The following C1orf105 variants were observed in gnomAD, a reference collection of about 807,000 sequenced individuals.
C1orf105 encodes chromosome 1 open reading frame 105, also known as uncharacterized protein C1orf105.
Under a neutral mutation model 20.8 loss-of-function variants are expected in C1orf105, and 17 were observed. That is an observed-to-expected ratio of 0.82 (90% CI 0.56 to 1.23). The LOEUF (loss-of-function observed/expected upper bound fraction) is 1.23, where lower values mean the gene tolerates loss of function less well. Among genes scored for constraint, C1orf105 ranks in the 50% most tolerant of loss-of-function variants. The pLI, the probability that C1orf105 is intolerant of heterozygous loss-of-function variation, is 0.00. For synonymous variants in C1orf105, 72 were observed against 72.1 expected (o/e 1.00, Z 0.01); for missense variants, 219 against 213.5 (o/e 1.03, Z -0.16).
chr1:172,444,605 AG>A (rs1647763065), intron 1 of C1orf105, among the ~76,000 whole-genome samples: 2 of 152,266 alleles, frequency 1.3e-5, no homozygotes, highest in African/African-American at 4.8e-5. Context: ...ATTTGTCCAA[AG>A]ACAGGCACCT....
chr1:172,448,363 T>C, intron 2 of C1orf105, 78 bp from the exon 3 acceptor site: 2 of 954,808 alleles, frequency 2.1e-6, no homozygotes, highest in South Asian at 2.9e-5. Context: ...TCCCTTGTAT[T>C]CTCTCAGAAA....
chr1:172,431,887 A>T (rs2071885464), intron 1 of C1orf105, among the ~76,000 whole-genome samples: 1 of 152,208 alleles, frequency 6.6e-6, no homozygotes. Context: ...CTCCTGCCCC[A>T]AACACTGTGC....
intron 1 of C1orf105, chr1:172,441,384 CACACACACTT>C (rs906665973): frequency 5.6e-5 from 9 of 159,974 alleles, no homozygotes; most frequent in African/African-American, 1.8e-4. Context: ...CACACACACA[CACACACACTT>C]ACTTCACTCT....
At chr1:172,431,088 T>C (rs531316934) in intron 1 of C1orf105, 11 of 660,034 alleles carry the variant, frequency 1.7e-5, no homozygotes, top group African/African-American at 1.4e-4. Context: ...AGTATCAAAA[T>C]TAAGCCAATT....
At chr1:172,423,900 G>C (rs2071655779) in intron 1 of C1orf105, among the ~76,000 whole-genome samples, 1 of 152,040 alleles carries the variant, frequency 6.6e-6, no homozygotes, top group Non-Finnish European at 1.5e-5. Context: ...CTTGAAGCCA[G>C]GCTGTTTGAA....
intron 3 of C1orf105, among the ~76,000 whole-genome samples, chr1:172,449,957 G>A (rs1286650415): frequency 6.6e-6 from 1 of 152,234 alleles, no homozygotes; most frequent in Admixed American, 6.5e-5. Context: ...GGCAACCTGG[G>A]CACTAGGACA....
chr1:172,437,728 T>TAAA (rs1553259020), intron 1 of C1orf105, among the ~76,000 whole-genome samples: 2 of 144,036 alleles, frequency 1.4e-5, no homozygotes, highest in East Asian at 4.1e-4. Flanking sequence ...GAACTTAAAG[T>TAAA]ATAATAATAA....
rs111547499 is a variant in C1orf105, at chr1:172,446,470, T to C, written c.107+1312T>C. ...TCAGCCCACCCCCACGCCAGCAGTG[T>C]TACCTGCAGGCATGTGAGTCCAGAG... On this transcript the variant is annotated intron_variant, in intron 2 of 6. Coordinates refer to ENST00000367727, the MANE Select transcript of C1orf105 (RefSeq NM_139240.4). 2.9e-3 allele frequency among the ~76,000 whole-genome samples: 440 copies of C among 152,304 alleles called. 3 individuals carry two copies. The highest frequency in any genetic ancestry group is 9.7e-3 in the African/African-American group (404 of 41,552).
At chr1:172,442,556 G>GCTGT in intron 1 of C1orf105, 2 of 1,614,032 alleles carry the variant, frequency 1.2e-6, no homozygotes, top group Non-Finnish European at 1.7e-6. Context: ...TCAGGAAAGG[G>GCTGT]CTGTCGCTCA....
In C1orf105 at chr1:172,442,540, T is replaced by C. The variant is rs750452407; in HGVS notation, c.22-2533T>C. 8.1e-6 allele frequency: 13 copies of C among 1,614,048 alleles called. No individual in the cohort carries two copies. Among genetic ancestry groups the C allele is most frequent in the African/African-American group, 6.7e-5 (5 of 74,928 alleles). Reference sequence around the variant, plus strand: ...CTCTTCCAGGAATCGCCGGTCCACATAGTTATCAGGAAAGGGCTGTCGCTC... The same window carrying C: ...CTCTTCCAGGAATCGCCGGTCCACACAGTTATCAGGAAAGGGCTGTCGCTC... On this transcript the variant is annotated intron_variant, in intron 1 of 6. Coordinates refer to ENST00000367727, the MANE Select transcript of C1orf105 (RefSeq NM_139240.4).
At chr1:172,430,458 T>C (rs1265405733) in intron 1 of C1orf105, 1 of 592,618 alleles carries the variant, frequency 1.7e-6, no homozygotes, top group African/African-American at 1.9e-5. Context: ...TTATTTATTT[T>C]TGAGACAGGG....
intron 6 of C1orf105, among the ~76,000 whole-genome samples, chr1:172,466,530 C>T (rs1650064690): frequency 6.6e-6 from 1 of 151,898 alleles, no homozygotes; most frequent in Admixed American, 6.6e-5. Context: ...TTCCTTTGGA[C>T]CTGGACTTTT....
chr1:172,438,666 T>A (rs186879183), intron 1 of C1orf105, among the ~76,000 whole-genome samples: 222 of 152,358 alleles, frequency 1.5e-3, no homozygotes, highest in African/African-American at 5.1e-3. Flanking sequence ...TATAAAGCAG[T>A]GGCAGGGTTT....
At chr1:172,459,833 C>T (rs888929737) in intron 4 of C1orf105, among the ~76,000 whole-genome samples, 2 of 152,054 alleles carry the variant, frequency 1.3e-5, no homozygotes, top group African/African-American at 2.4e-5. Context: ...ATAAACAAAA[C>T]GTTGTCTATC....
At position 172,458,522 on chromosome 1, in the gene C1orf105, T is replaced by C. The variant is rs1045341576; in HGVS notation, c.273+2033T>C. ...AGCACAAGAGCTATACAATGAAAAG[T>C]ATAAAACATTGTGGAAAGAAAATTT... On this transcript the variant is annotated intron_variant, in intron 4 of 6. Transcript: ENST00000367727. Among the ~76,000 whole-genome samples, 4 of 152,184 alleles carry C rather than the reference T, an allele frequency of 2.6e-5. No individual in the cohort carries two copies. In the East Asian group the frequency reaches 7.7e-4, roughly 29 times the overall value.
chr1:172,450,869 CA>C (rs772813413), intron 3 of C1orf105, among the ~76,000 whole-genome samples: 1 of 152,028 alleles, frequency 6.6e-6, no homozygotes, highest in African/African-American at 2.4e-5. Context: ...AGATGAGGGA[CA>C]AAAAACACAA....
chr1:172,465,754 CT>C, intron 6 of C1orf105: 1 of 445,536 alleles, frequency 2.2e-6, no homozygotes, highest in Non-Finnish European at 4.5e-6. Flanking sequence ...CACCAAGGCC[CT>C]GAACCTTTCA....
intron 2 of C1orf105, among the ~76,000 whole-genome samples, chr1:172,446,647 G>A (rs1158206080): frequency 6.6e-6 from 1 of 152,246 alleles, no homozygotes; most frequent in Admixed American, 6.5e-5. Context: ...AAGTATCCTT[G>A]TGCATGGCTC....
intron 4 of C1orf105, among the ~76,000 whole-genome samples, chr1:172,461,165 C>T (rs570158291): frequency 1.8e-3 from 275 of 152,342 alleles, no homozygotes; most frequent in Middle Eastern, 0.014. Context: ...CTCTTTGTTA[C>T]CAGATCAGCT....
Sources: allele counts gnomAD v4.1 joint callset (sites outside exome capture counted in the v4.1 genomes callset), GRCh38; gene constraint gnomAD v4.1.1; transcripts MANE v1.5; gene names NCBI Gene and HGNC (gene_info 2026-07-23, HGNC 2026-07-21).